Variants in MITF observed in about 807,000 individuals in gnomAD.
MITF encodes melanocyte inducing transcription factor.
Under a neutral mutation model 60.5 loss-of-function variants are expected in MITF, and 17 were observed. The observed-to-expected ratio is 0.28, with a 90% CI of 0.19 to 0.42. The LOEUF is 0.42. MITF is among the 10% of genes least tolerant of loss of function. MITF has a pLI of 1.00. For missense variants in MITF, 622 were observed against 683.5 expected (o/e 0.91, Z 1.00); for synonymous variants, 260 against 248.5 (o/e 1.05, Z -0.43).
intron 2 of MITF, among the ~76,000 whole-genome samples, chr3:69,899,402 CTTTAT>C (rs1466415546): frequency 1.3e-5 from 2 of 152,156 alleles, no homozygotes; most frequent in African/African-American, 4.8e-5. Flanking sequence ...GGATTATTGT[CTTTAT>C]TTTAAGAGCA....
chr3:69,938,256 C>A, intron 3 of MITF: 1 of 1,209,434 alleles, frequency 8.3e-7, no homozygotes, highest in Non-Finnish European at 1.2e-6. Context: ...GACGGGAGAC[C>A]TGGCCCTCTC....
chr3:69,955,934 G>A (rs537822095), intron 7 of MITF, among the ~76,000 whole-genome samples: 4 of 152,220 alleles, frequency 2.6e-5, no homozygotes, highest in African/African-American at 7.2e-5. Context: ...AATTGTACTC[G>A]TATGTTATAT....
chr3:69,914,454 A>G (rs756111049), intron 2 of MITF, among the ~76,000 whole-genome samples: 2 of 152,128 alleles, frequency 1.3e-5, no homozygotes, highest in Non-Finnish European at 2.9e-5. Context: ...ACGGTTTTAT[A>G]TTTCAGAAGA....
intron 9 of MITF, among the ~76,000 whole-genome samples, 199 bp downstream of exon 9, chr3:69,959,619 T>A (rs749056868): frequency 1.8e-4 from 28 of 152,204 alleles, no homozygotes; most frequent in Non-Finnish European, 4.4e-5. Flanking sequence ...ACAGTCATTC[T>A]TGGACATGTG....
At chr3:69,743,171 G>T (rs1703595270) in intron 1 of MITF, among the ~76,000 whole-genome samples, 1 of 152,128 alleles carries the variant, frequency 6.6e-6, no homozygotes, top group Non-Finnish European at 1.5e-5. Context: ...ATCTATTAGA[G>T]GCCAGTACTC....
chr3:69,957,259 G>A (rs1005494998), intron 8 of MITF, among the ~76,000 whole-genome samples: 1 of 152,122 alleles, frequency 6.6e-6, no homozygotes, highest in African/African-American at 2.4e-5. Context: ...TTTGAAGCAA[G>A]GGGCTAGAAA....
At chr3:69,749,040 C>T (rs188407896) in intron 1 of MITF, among the ~76,000 whole-genome samples, 65 of 152,154 alleles carry the variant, frequency 4.3e-4, no homozygotes, top group Admixed American at 7.2e-4. Context: ...CAAAAACATA[C>T]ATTTTATTTT....
At chr3:69,881,502 AT>A (rs2064487000) in intron 2 of MITF, among the ~76,000 whole-genome samples, 2 of 152,096 alleles carry the variant, frequency 1.3e-5, no homozygotes, top group Non-Finnish European at 2.9e-5. Context: ...ATCAGATAAC[AT>A]TTTTAAAGAG....
chr3:69,837,888 G>A (rs1051195942), intron 1 of MITF, among the ~76,000 whole-genome samples: 1 of 152,156 alleles, frequency 6.6e-6, no homozygotes, highest in African/African-American at 2.4e-5. Context: ...TGATGTTCAA[G>A]ACTCATCAGT....
At chr3:69,749,674 G>C (rs1188300229) in intron 1 of MITF, among the ~76,000 whole-genome samples, 1 of 152,242 alleles carries the variant, frequency 6.6e-6, no homozygotes, top group East Asian at 1.9e-4. Context: ...CAACTGGCAT[G>C]ATTCCTGGTC....
chr3:69,840,585 TA>T (rs2063618362), intron 1 of MITF, among the ~76,000 whole-genome samples: 2 of 151,906 alleles, frequency 1.3e-5, no homozygotes, highest in South Asian at 4.2e-4. Flanking sequence ...GAGCTTTTTT[TA>T]AAAAAAGAGA....
intron 1 of MITF, among the ~76,000 whole-genome samples, chr3:69,851,216 G>A (rs918436209): frequency 2.0e-5 from 3 of 152,146 alleles, no homozygotes; most frequent in Admixed American, 6.5e-5. Flanking sequence ...AATATATTAT[G>A]AGCTGGATTT....
chr3:69,949,225 A>T (rs1048306029), intron 6 of MITF, 57 bp downstream of exon 6: 133 of 1,343,798 alleles, frequency 9.9e-5, no homozygotes, highest in Non-Finnish European at 1.3e-4. Context: ...TCCTGATAAG[A>T]CAAAGTTATT....
chr3:69,882,762 A>G (rs1026964132), intron 2 of MITF, among the ~76,000 whole-genome samples: 9 of 152,194 alleles, frequency 5.9e-5, no homozygotes, highest in Non-Finnish European at 1.3e-4. Context: ...CAAGTTAATC[A>G]TTTATGTAGT....
intron 1 of MITF, among the ~76,000 whole-genome samples, chr3:69,781,709 T>C (rs1436644178): frequency 6.6e-6 from 1 of 152,182 alleles, no homozygotes; most frequent in Non-Finnish European, 1.5e-5. Flanking sequence ...GAAAGCTCTA[T>C]GTTTAACAAG....
intron 1 of MITF, among the ~76,000 whole-genome samples, chr3:69,792,546 T>C (rs1403558243): frequency 2.6e-5 from 4 of 152,086 alleles, no homozygotes; most frequent in Non-Finnish European, 4.4e-5. Context: ...TCTAAAGAAA[T>C]CAATATTAAG....
chr3:69,943,618 C>T (rs1431019178), intron 5 of MITF, among the ~76,000 whole-genome samples: 1 of 152,090 alleles, frequency 6.6e-6, no homozygotes, highest in East Asian at 1.9e-4. Flanking sequence ...CACTGAGCCC[C>T]TATAATGTAT....
chr3:69,862,804 A>G (rs1460639838), intron 1 of MITF, among the ~76,000 whole-genome samples: 5 of 152,160 alleles, frequency 3.3e-5, no homozygotes, highest in Non-Finnish European at 7.4e-5. Flanking sequence ...ACTGTAGTTG[A>G]TTTGCTGCAA....
At chr3:69,901,341 T>G (rs2064992130) in intron 2 of MITF, among the ~76,000 whole-genome samples, 1 of 152,198 alleles carries the variant, frequency 6.6e-6, no homozygotes, top group Non-Finnish European at 1.5e-5. Context: ...GCAAGTGTTT[T>G]GGCTTTAAAA....
Sources: gnomAD v4.1 joint callset for allele counts (sites outside exome capture counted in the v4.1 genomes callset) on GRCh38, gnomAD v4.1.1 for gene constraint, MANE v1.5 for transcripts, NCBI Gene and HGNC (gene_info 2026-07-23, HGNC 2026-07-21) for gene names.